Variants in DLG2 observed in about 807,000 individuals in gnomAD.
The protein encoded by DLG2 is disks large homolog 2.
A neutral mutation model predicts 132.5 loss-of-function variants in DLG2; 45 were observed. That is an observed-to-expected ratio of 0.34 (90% confidence interval 0.27 to 0.44). The LOEUF (loss-of-function observed/expected upper bound fraction) is 0.44. DLG2 is among the 20% of genes least tolerant of loss of function. DLG2 has a pLI of 1.00. For missense variants in DLG2, 1,045 were observed against 1,196.9 expected (o/e 0.87, Z 1.87); for synonymous variants, 424 against 419.6 (o/e 1.01, Z -0.13).
At chr11:84,107,727 T>G (rs1457861841) in intron 9 of DLG2, among the ~76,000 whole-genome samples, 2 of 152,090 alleles carry the variant, frequency 1.3e-5, no homozygotes, top group Non-Finnish European at 2.9e-5. Context: ...AAAGGTCATT[T>G]TAAGGTAGAG....
At chr11:84,331,111 T>C (rs1277666900) in intron 7 of DLG2, among the ~76,000 whole-genome samples, 1 of 152,218 alleles carries the variant, frequency 6.6e-6, no homozygotes, top group Non-Finnish European at 1.5e-5. Context: ...CATCTGCAGT[T>C]TCTTGCAGCC....
chr11:85,404,598 G>T (rs929036195), intron 3 of DLG2, among the ~76,000 whole-genome samples: 1 of 151,916 alleles, frequency 6.6e-6, no homozygotes, highest in Non-Finnish European at 1.5e-5. Context: ...TTACATGGTG[G>T]AAGGAGAGTA....
At chr11:84,100,393 C>T (rs1190399083) in intron 9 of DLG2, among the ~76,000 whole-genome samples, 1 of 150,362 alleles carries the variant, frequency 6.7e-6, no homozygotes, top group African/African-American at 2.4e-5. Flanking sequence ...CCCAAATCCA[C>T]AAACCATATT....
intron 14 of DLG2, among the ~76,000 whole-genome samples, chr11:83,941,328 T>C (rs2082610533): frequency 6.6e-6 from 1 of 151,828 alleles, no homozygotes; most frequent in Non-Finnish European, 1.5e-5. Flanking sequence ...AAAATTTACT[T>C]GTTTACTCTG....
chr11:84,891,126 T>C (rs1055893438), intron 6 of DLG2, among the ~76,000 whole-genome samples: 3 of 152,272 alleles, frequency 2.0e-5, no homozygotes, highest in South Asian at 2.1e-4. Context: ...TATGTTAGAT[T>C]TCCCTTTGGC....
At chr11:84,924,344 T>C (rs759960338) in intron 6 of DLG2, among the ~76,000 whole-genome samples, 3 of 151,998 alleles carry the variant, frequency 2.0e-5, no homozygotes, top group Non-Finnish European at 2.9e-5. Flanking sequence ...GGAAAAAAAG[T>C]GGTTATGTCT....
chr11:85,594,457 C>T (rs952072470), intron 3 of DLG2, among the ~76,000 whole-genome samples: 1 of 152,064 alleles, frequency 6.6e-6, no homozygotes, highest in Admixed American at 6.6e-5. Flanking sequence ...TCTAATTTCC[C>T]TCTAATTCCT....
intron 6 of DLG2, among the ~76,000 whole-genome samples, chr11:84,568,701 C>G (rs979904260): frequency 2.6e-5 from 4 of 152,130 alleles, no homozygotes; most frequent in Non-Finnish European, 5.9e-5. Context: ...TCCAGAGAAG[C>G]AAAGGTGCTA....
chr11:84,259,560 C>T (rs1289406234), intron 7 of DLG2, among the ~76,000 whole-genome samples: 1 of 152,228 alleles, frequency 6.6e-6, no homozygotes. Context: ...GTTCATCCTG[C>T]AGACTGTGTC....
At chr11:83,880,363 G>A (rs915973104) in intron 15 of DLG2, among the ~76,000 whole-genome samples, 3 of 152,138 alleles carry the variant, frequency 2.0e-5, no homozygotes, top group African/African-American at 7.2e-5. Flanking sequence ...CTTGAATAAT[G>A]CAGTAAAAAT....
rs545831524 is a variant in DLG2 at position 84,113,732 on chromosome 11, C to T, written c.625-14685G>A. Among the ~76,000 whole-genome samples the T allele has an allele frequency of 1.3e-4, 20 of 152,210 alleles. 1 individual carries two copies. In the South Asian group the frequency reaches 3.7e-3, roughly 28 times the overall value. ...ATCAGTAATTTTCAATCAACCAATA[C>T]ATATTATACAAAAATACATGAGTAA... On this transcript the variant is annotated intron_variant, in intron 9 of 27. Coordinates refer to ENST00000376104, the MANE Select transcript of DLG2 (RefSeq NM_001142699.3).
At chr11:83,937,155 A>C (rs2081619397) in intron 14 of DLG2, among the ~76,000 whole-genome samples, 1 of 152,194 alleles carries the variant, frequency 6.6e-6, no homozygotes. Flanking sequence ...ATGGAAAAAA[A>C]ATTAAGCATG....
intron 6 of DLG2, among the ~76,000 whole-genome samples, chr11:84,970,778 T>C (rs1250255677): frequency 6.6e-6 from 1 of 152,216 alleles, no homozygotes; most frequent in Admixed American, 6.5e-5. Flanking sequence ...TTTTCACATT[T>C]ATTTTTTTAA....
chr11:84,900,276 T>A (rs185142857), intron 6 of DLG2, among the ~76,000 whole-genome samples: 1 of 152,234 alleles, frequency 6.6e-6, no homozygotes, highest in African/African-American at 2.4e-5. Flanking sequence ...AAATCAAGGA[T>A]TGTAGGTAAA....
intron 6 of DLG2, among the ~76,000 whole-genome samples, chr11:84,721,991 A>G (rs959847725): frequency 2.0e-5 from 3 of 152,066 alleles, no homozygotes; most frequent in Non-Finnish European, 4.4e-5. Flanking sequence ...TTTTTTTTCT[A>G]GGGGAAGAAA....
intron 7 of DLG2, among the ~76,000 whole-genome samples, chr11:84,361,946 A>G (rs1397806866): frequency 6.6e-6 from 1 of 151,974 alleles, no homozygotes; most frequent in East Asian, 1.9e-4. Flanking sequence ...TGGAATCACA[A>G]AAAGGCTCAA....
rs1592145399 is a variant in DLG2 at position 83,510,457 on chromosome 11, T to C, written c.2193+22251A>G. ...TATAATGTTGTGACTGATTGAATAA[T>C]TCTCACTTCTTCCTACTTCAATGAA... On this transcript the variant is annotated intron_variant, in intron 21 of 27. Transcript: ENST00000376104. Among the ~76,000 whole-genome samples the C allele has an allele frequency of 2.0e-5, 3 of 152,282 alleles. No homozygotes were observed. In the East Asian group the frequency reaches 5.8e-4, roughly 29 times the overall value.
intron 3 of DLG2, among the ~76,000 whole-genome samples, chr11:85,505,943 C>A (rs892150776): frequency 6.6e-6 from 1 of 152,054 alleles, no homozygotes; most frequent in Non-Finnish European, 1.5e-5. Flanking sequence ...CTGGTTTAGT[C>A]TTGGGAGGGT....
intron 7 of DLG2, among the ~76,000 whole-genome samples, chr11:84,483,634 G>A (rs1214225816): frequency 2.6e-5 from 4 of 152,118 alleles, no homozygotes; most frequent in African/African-American, 9.7e-5. Flanking sequence ...GTATCGTTAC[G>A]AGTTTATCCA....
Sources: allele counts gnomAD v4.1 joint callset (sites outside exome capture counted in the v4.1 genomes callset), GRCh38; gene constraint gnomAD v4.1.1; transcripts MANE v1.5; gene names NCBI Gene and HGNC (gene_info 2026-07-23, HGNC 2026-07-21).